Variants in RELT observed in about 807,000 individuals in gnomAD.
RELT encodes the protein RELT TNF receptor.
Under a neutral mutation model 51.1 loss-of-function variants are expected in RELT, and 37 were observed. The ratio of observed to expected loss-of-function variants is 0.72; its 90% CI spans 0.56 to 0.95. The LOEUF (loss-of-function observed/expected upper bound fraction) is 0.95. RELT is among the 40% of genes least tolerant of loss of function. The pLI is 0.00. For synonymous variants in RELT, 241 were observed against 235.7 expected (o/e 1.02, Z -0.21); for missense variants, 535 against 572.6 (o/e 0.93, Z 0.67).
chr11:73,392,248 A>G lies in RELT; in HGVS notation c.405A>G (p.Ala135=). The G allele has an allele frequency of 6.2e-7, 1 of 1,612,614 alleles. No homozygotes were observed. The highest frequency in any genetic ancestry group is 8.5e-7 in the Non-Finnish European group (1 of 1,179,576). The change falls in exon 6 of 11, where the codon GCA becomes GCG. Residue 135 remains alanine (A), a synonymous_variant. Transcript: ENST00000064780. ...GGGCCCGACGTGGCGTGGAGGTGGC[A>G]GCAGGGGCCAGCAGCGGTGGTGAGA... ...GRRARRGVEV[A]AGASSGGETR...
chr11:73,386,355 AT>A (rs1457707075), intron 1 of RELT, among the ~76,000 whole-genome samples: 1 of 152,236 alleles, frequency 6.6e-6, no homozygotes, highest in African/African-American at 2.4e-5. Context: ...ACCTTCAGAT[AT>A]CCCCTCCCAG....
At chr11:73,381,654 C>A (rs1386944138) in intron 1 of RELT, among the ~76,000 whole-genome samples, 1 of 152,200 alleles carries the variant, frequency 6.6e-6, no homozygotes, top group African/African-American at 2.4e-5. Context: ...AGTCCTCCAC[C>A]ACACCATGAG....
rs1053890680 is a variant in RELT, at chr11:73,394,011, T to G, written c.706+94T>G. 2 of 1,267,716 alleles carry G rather than the reference T, an allele frequency of 1.6e-6. No individual in the cohort carries two copies. Among genetic ancestry groups the G allele is most frequent in the Non-Finnish European group, 2.3e-6 (2 of 870,654 alleles). The allele number at this position is 1,267,716 out of a possible 1,614,324, so 78.5% of individuals were successfully genotyped here. On this transcript the variant is annotated intron_variant, in intron 7 of 10. Coordinates refer to ENST00000064780, the MANE Select transcript of RELT (RefSeq NM_152222.2). This position sits in a 1 kb window ranked among gnomAD's most constrained non-coding sequence, Gnocchi z 4.9. The stretch of plus-strand genomic sequence containing the variant: ...AGCCGCGGTGGGCAGAGTCTTGCCC[T>G]GCTCTGCCTTCCCTGCCAGGGTGCC...
At position 73,394,652 on chromosome 11, in the gene RELT, C is replaced by T. The variant is rs1164225450; in HGVS notation, c.964C>T (p.Leu322Phe). The T allele has an allele frequency of 1.2e-6, 2 of 1,613,768 alleles. No homozygotes were observed. ...AGCCGCCACTACTCCTGTTCCCAGC[C>T]TTCTGCCTAACCCGACCAGGGTTCC... ...AVAATTPVPS[L>F]LPNPTRVPKA... Residue 322 changes from leucine to phenylalanine, a missense_variant, in exon 9 of 11, where the codon CTT becomes TTT. By Grantham distance (22) the Leu-to-Phe change is conservative. Transcript: ENST00000064780. The surrounding 1 kb of genome is among the most constrained non-coding windows in gnomAD (Gnocchi z 4.9).
chr11:73,394,548 T>TG lies in RELT; in HGVS notation c.862dup (p.Ala288GlyfsTer12), dbSNP rs1182209339. On this transcript the variant is annotated frameshift_variant, in exon 9 of 11. Transcript: ENST00000064780. LOFTEE classifies it high-confidence loss of function. The surrounding 1 kb of genome is among the most constrained non-coding windows in gnomAD (Gnocchi z 4.9). Reference sequence around the variant, plus strand: ...CACCATCTCCACACCGTGCAGGGCCTGGCCTCGCTCTCTGGCCCCTGCTGC... The same window carrying TG: ...CACCATCTCCACACCGTGCAGGGCCTGGGCCTCGCTCTCTGGCCCCTGCTGC... 1.9e-6 allele frequency: 3 copies of TG among 1,611,890 alleles called. No homozygotes were observed. The highest frequency in any genetic ancestry group is 2.5e-6 in the Non-Finnish European group (3 of 1,179,970).
At chr11:73,379,123 C>T (rs1410648597) in intron 1 of RELT, among the ~76,000 whole-genome samples, 3 of 152,142 alleles carry the variant, frequency 2.0e-5, no homozygotes, top group Admixed American at 6.5e-5. Flanking sequence ...GGGTGTCCCT[C>T]GGTCCTCTCT....
At chr11:73,382,143 C>A (rs952410400) in intron 1 of RELT, among the ~76,000 whole-genome samples, 1 of 152,216 alleles carries the variant, frequency 6.6e-6, no homozygotes, top group Non-Finnish European at 1.5e-5. Flanking sequence ...TTGTCTCCTC[C>A]CTGCTCCACC....
rs757042544 is a variant in RELT at position 73,394,713 on chromosome 11, T to C, written c.1025T>C (p.Ile342Thr). The C allele has an allele frequency of 6.2e-7, 1 of 1,610,928 alleles. No homozygotes were observed. Among genetic ancestry groups the C allele is most frequent in the Admixed American group, 1.7e-5 (1 of 60,018 alleles). Reference sequence around the variant, plus strand: ...GCCAAGGCAGGGCGTCAGGGCGAGATCACCATCTTGTCTGTGGGCAGGTGA... The same window carrying C: ...GCCAAGGCAGGGCGTCAGGGCGAGACCACCATCTTGTCTGTGGGCAGGTGA... ...AGAKAGRQGE[I>T]TILSVGRFRV... Residue 342 changes from isoleucine to threonine, a missense_variant, in exon 9 of 11, where the codon ATC becomes ACC. Transcript: ENST00000064780. This position sits in a 1 kb window ranked among gnomAD's most constrained non-coding sequence, Gnocchi z 4.9.
chr11:73,393,627 C>T lies in RELT; in HGVS notation c.626-210C>T, dbSNP rs751539594. 4.6e-6 allele frequency: 7 copies of T among 1,518,880 alleles called. No homozygotes were observed. In the South Asian group the frequency reaches 8.3e-5, roughly 18 times the overall value. 94.1% of individuals were successfully genotyped at this position (1,518,880 alleles called of 1,614,324 possible). ...CTCTATGCACCCGGGCTGTTGGGTG[C>T]AGGAAGCACTGGTGTTGAATCATGA... On this transcript the variant is annotated intron_variant, in intron 6 of 10. Transcript: ENST00000064780.
In RELT at chr11:73,397,369, A is replaced by C. The variant is rs1354442937; in HGVS notation, c.*1878A>C. ...CGGCAAGACAGAGCGTCTCCATCTA[A>C]AATTCCTAGGGCAAGCTTCCAACCC... On this transcript the variant is annotated 3_prime_UTR_variant, in exon 11 of 11. Transcript: ENST00000064780. The C allele has an allele frequency of 6.6e-6, 1 of 152,210 alleles. No individual in the cohort carries two copies. The highest frequency in any genetic ancestry group is 6.5e-5 in the Admixed American group (1 of 15,278). The allele number at this position is 152,210 out of a possible 1,614,324, so 9.4% of individuals were successfully genotyped here.
At chr11:73,382,067 G>A (rs1866058494) in intron 1 of RELT, among the ~76,000 whole-genome samples, 3 of 152,208 alleles carry the variant, frequency 2.0e-5, no homozygotes, top group Admixed American at 2.0e-4. Flanking sequence ...ACCTGCCCAA[G>A]GCCATCGATC....
chr11:73,390,713 G>A (rs1170860253), intron 3 of RELT, 42 bp from the exon 4 acceptor site: 2 of 1,608,600 alleles, frequency 1.2e-6, no homozygotes, highest in Admixed American at 1.7e-5. Flanking sequence ...AGGGTCCTCA[G>A]GCTTGGCTCC....
At chr11:73,380,002 C>A (rs143109045) in intron 1 of RELT, among the ~76,000 whole-genome samples, 1 of 152,342 alleles carries the variant, frequency 6.6e-6, no homozygotes, top group African/African-American at 2.4e-5. Context: ...CAGACTATAG[C>A]CCCAGCTCCA....
intron 2 of RELT, 65 bp from the exon 3 acceptor site, chr11:73,390,486 T>C: frequency 6.9e-7 from 1 of 1,442,584 alleles, no homozygotes. Context: ...AGGTGGGGGA[T>C]AGATGACCCC....
At chr11:73,383,429 G>A (rs1225954526) in intron 1 of RELT, among the ~76,000 whole-genome samples, 3 of 152,190 alleles carry the variant, frequency 2.0e-5, no homozygotes, top group Non-Finnish European at 4.4e-5. Context: ...GAGTATAGAT[G>A]CAGGCAACTC....
intron 6 of RELT, 174 bp from the exon 7 acceptor site, chr11:73,393,663 G>A (rs757103426): frequency 1.9e-6 from 3 of 1,574,988 alleles, no homozygotes; most frequent in Admixed American, 3.6e-5. Context: ...AGGTGATATG[G>A]GCTTCTCTGA....
rs1333642418 is a variant in RELT, at chr11:73,381,000, C to A, written c.-26+4501C>A. ...CTCTGCCCATCCGTGGGATTATGGC[C>A]CGGGAGGCTGTCACATCCTCAGCCT... On this transcript the variant is annotated intron_variant, in intron 1 of 10. Coordinates refer to ENST00000064780, the MANE Select transcript of RELT (RefSeq NM_152222.2). 2.6e-5 allele frequency among the ~76,000 whole-genome samples: 4 copies of A among 152,118 alleles called. No individual in the cohort carries two copies. In the South Asian group the frequency reaches 8.3e-4, roughly 32 times the overall value.
At chr11:73,389,300 G>A in intron 2 of RELT, 119 bp downstream of exon 2, 1 of 651,950 alleles carries the variant, frequency 1.5e-6, no homozygotes, top group Non-Finnish European at 2.5e-6. Context: ...CAGTTACTCA[G>A]CTCGTCAAGA....
chr11:73,394,638 C>T lies in RELT; in HGVS notation c.950C>T (p.Thr317Ile), dbSNP rs377612709. 4 of 1,613,746 alleles carry T rather than the reference C, an allele frequency of 2.5e-6. No homozygotes were observed. Among genetic ancestry groups the T allele is most frequent in the African/African-American group, 2.7e-5 (2 of 74,948 alleles). ...TCCCCTGAGGCTGTAGCCGCCACTACTCCTGTTCCCAGCCTTCTGCCTAAC... is the reference window on the plus strand; with the variant it reads ...TCCCCTGAGGCTGTAGCCGCCACTATTCCTGTTCCCAGCCTTCTGCCTAAC... The part of the protein sequence containing the change: ...LLSPEAVAAT[T>I]PVPSLLPNPT... Residue 317 changes from threonine to isoleucine, a missense_variant, in exon 9 of 11, where the codon ACT becomes ATT. By Grantham distance (89) the Thr-to-Ile change is moderately conservative. Transcript: ENST00000064780. This position sits in a 1 kb window ranked among gnomAD's most constrained non-coding sequence, Gnocchi z 4.9.
Sources: gnomAD v4.1 joint callset for allele counts (sites outside exome capture counted in the v4.1 genomes callset) on GRCh38, gnomAD v4.1.1 for gene constraint, Gnocchi (gnomAD v3.1) non-coding constraint, MANE v1.5 for transcripts, NCBI Gene and HGNC (gene_info 2026-07-23, HGNC 2026-07-21) for gene names.